MRPS27: variants seen among roughly 807,000 people sequenced by gnomAD.
MRPS27 encodes the protein mitochondrial ribosomal protein S27.
MRPS27 carries 43 observed loss-of-function variants against 48.9 expected under a neutral mutation model. That is an observed-to-expected ratio of 0.88 (90% CI 0.69 to 1.13). The LOEUF (loss-of-function observed/expected upper bound fraction) is 1.13, where lower values mean the gene tolerates loss of function less well. Among genes scored for constraint, MRPS27 ranks in the 50% most tolerant of loss-of-function variants. The probability of loss-of-function intolerance (pLI) is 0.00; values close to 1 mark genes in which losing one functional copy is unlikely to be tolerated. For synonymous variants in MRPS27, 188 were observed against 171.9 expected, an observed-to-expected ratio of 1.09 and a Z score of -0.73; for missense variants, 467 against 476.3, an observed-to-expected ratio of 0.98 and a Z score of 0.18.
chr5:72,297,080 T>C (rs531162571), intron 3 of MRPS27, among the ~76,000 whole-genome samples: 157 of 152,302 alleles, frequency 1.0e-3, no homozygotes, highest in Non-Finnish European at 1.9e-3. Flanking sequence ...ATGTCTTACA[T>C]AGACTGTTTA....
At chr5:72,222,030 T>G (rs954958165) in intron 10 of MRPS27, among the ~76,000 whole-genome samples, 1 of 152,202 alleles carries the variant, frequency 6.6e-6, no homozygotes, top group African/African-American at 2.4e-5. Flanking sequence ...TGCCACTCAT[T>G]GGCACAGGAA....
At chr5:72,243,579 A>G (rs747990977) in intron 4 of MRPS27, among the ~76,000 whole-genome samples, 75 of 152,312 alleles carry the variant, frequency 4.9e-4, no homozygotes, top group Non-Finnish European at 8.7e-4. Flanking sequence ...ATTCTTACTC[A>G]AAGAATTTAA....
intron 4 of MRPS27, among the ~76,000 whole-genome samples, chr5:72,277,980 C>T (rs879391313): frequency 9.2e-5 from 14 of 152,064 alleles, no homozygotes; most frequent in Admixed American, 5.9e-4. Flanking sequence ...ATAGCTAATG[C>T]GTGCTGGGCT....
intron 9 of MRPS27, among the ~76,000 whole-genome samples, chr5:72,224,476 T>C (rs1200218122): frequency 6.6e-6 from 1 of 152,214 alleles, no homozygotes; most frequent in Admixed American, 6.5e-5. Flanking sequence ...GGAATTATGC[T>C]TGATGGGCAC....
chr5:72,256,644 G>A (rs1323250335), intron 4 of MRPS27, among the ~76,000 whole-genome samples: 1 of 152,224 alleles, frequency 6.6e-6, no homozygotes, highest in Non-Finnish European at 1.5e-5. Context: ...AAATAGATGG[G>A]TGAGGCAGAC....
chr5:72,295,321 A>G, intron 4 of MRPS27: 1 of 470,124 alleles, frequency 2.1e-6, no homozygotes, highest in Middle Eastern at 5.7e-4. Flanking sequence ...CTAGAGGTCC[A>G]TAAAAAGGGA....
intron 4 of MRPS27, among the ~76,000 whole-genome samples, chr5:72,254,993 TA>T (rs1330690088): frequency 6.6e-6 from 1 of 151,614 alleles, no homozygotes; most frequent in African/African-American, 2.4e-5. Context: ...TAGCAGAGCT[TA>T]CCCTACCACA....
intron 2 of MRPS27, among the ~76,000 whole-genome samples, chr5:72,300,330 C>G (rs1420710801): frequency 6.6e-6 from 1 of 152,132 alleles, no homozygotes; most frequent in Non-Finnish European, 1.5e-5. Flanking sequence ...AGACTGCAGA[C>G]TTCCCTTCTC....
intron 4 of MRPS27, among the ~76,000 whole-genome samples, chr5:72,243,407 T>C (rs957118905): frequency 2.0e-5 from 3 of 152,214 alleles, no homozygotes; most frequent in Non-Finnish European, 4.4e-5. Flanking sequence ...AATTATTAGT[T>C]GCCCTCAACT....
intron 8 of MRPS27, chr5:72,226,938 G>A (rs1280316972): frequency 6.6e-6 from 1 of 152,226 alleles, no homozygotes; most frequent in Non-Finnish European, 1.5e-5. Flanking sequence ...GTCACCTTGA[G>A]CTGCCCAGTC....
At chr5:72,311,776 T>A (rs879318596) in intron 2 of MRPS27, among the ~76,000 whole-genome samples, 4 of 152,236 alleles carry the variant, frequency 2.6e-5, no homozygotes, top group Non-Finnish European at 5.9e-5. Flanking sequence ...CAGGTATTGT[T>A]ATAAACAACA....
At chr5:72,265,282 G>A (rs955574684) in intron 4 of MRPS27, among the ~76,000 whole-genome samples, 1 of 152,162 alleles carries the variant, frequency 6.6e-6, no homozygotes, top group Non-Finnish European at 1.5e-5. Context: ...AATGTAACCT[G>A]AGTGATACAA....
intron 4 of MRPS27, among the ~76,000 whole-genome samples, chr5:72,252,229 A>G (rs896748768): frequency 2.8e-4 from 43 of 152,360 alleles, no homozygotes; most frequent in African/African-American, 1.0e-3. Context: ...TCACATTCCC[A>G]TGCAACCATA....
At chr5:72,302,088 T>G (rs73761756) in intron 2 of MRPS27, among the ~76,000 whole-genome samples, 9,637 of 152,310 alleles carry the variant, frequency 0.063, 550 homozygotes, top group African/African-American at 0.15. Flanking sequence ...GATCTGAAAT[T>G]TGAATTCTTC....
At chr5:72,272,621 C>G (rs1239318631) in intron 4 of MRPS27, among the ~76,000 whole-genome samples, 2 of 152,226 alleles carry the variant, frequency 1.3e-5, no homozygotes, top group African/African-American at 4.8e-5. Context: ...TTCCTCCAGA[C>G]TGCCCCTAAC....
At chr5:72,240,555 T>C (rs746478942) in intron 4 of MRPS27, among the ~76,000 whole-genome samples, 11 of 152,140 alleles carry the variant, frequency 7.2e-5, no homozygotes, top group Non-Finnish European at 1.6e-4. Context: ...GCCACTAAAG[T>C]TGTAACTTTT....
chr5:72,301,144 C>T (rs1750117342), intron 2 of MRPS27, among the ~76,000 whole-genome samples: 1 of 152,080 alleles, frequency 6.6e-6, no homozygotes, highest in Non-Finnish European at 1.5e-5. Flanking sequence ...CCATTTTTTC[C>T]TCTCTTTTTT....
At chr5:72,228,161 G>T in intron 8 of MRPS27, 105 bp downstream of exon 8, 1 of 1,016,174 alleles carries the variant, frequency 9.8e-7, no homozygotes. Flanking sequence ...AGGCTAATTG[G>T]ATTTCACTGG....
Position 72,320,175 on chromosome 5 carries a change from A to C in MRPS27, c.47T>G (p.Val16Gly), listed in dbSNP as rs753440805. The C allele has an allele frequency of 4.3e-6, 7 of 1,613,932 alleles. No individual in the cohort carries two copies. In the Admixed American group the frequency reaches 1.2e-4, roughly 27 times the overall value. Residue 16 changes from valine to glycine, a missense_variant, in exon 1 of 11, where the codon GTG becomes GGG. Physicochemically the swap from Val to Gly is moderately radical, Grantham distance 109. Coordinates refer to ENST00000261413, the MANE Select transcript of MRPS27 (RefSeq NM_015084.3). Reference protein sequence around the residue: ...VRRGMLLARQVVLPQLSPAGK... With the variant: ...VRRGMLLARQGVLPQLSPAGK... Reference sequence around the variant, plus strand: ...TGCAGGAGAGAGCTGAGGAAGAACCACTTGCCGCGCCAGGAGCATCCCGCG... The same window carrying C: ...TGCAGGAGAGAGCTGAGGAAGAACCCCTTGCCGCGCCAGGAGCATCCCGCG...
Sources: allele counts gnomAD v4.1 joint callset (sites outside exome capture counted in the v4.1 genomes callset), GRCh38; gene constraint gnomAD v4.1.1; transcripts MANE v1.5; gene names NCBI Gene and HGNC (gene_info 2026-07-23, HGNC 2026-07-21).